AGBL4: variants seen among roughly 807,000 people sequenced by gnomAD.
The protein encoded by AGBL4 is AGBL carboxypeptidase 4.
Under a neutral mutation model 66.4 loss-of-function variants are expected in AGBL4, and 58 were observed. That is an observed-to-expected ratio of 0.87 (90% CI 0.71 to 1.09). The LOEUF (loss-of-function observed/expected upper bound fraction) is 1.09. Among genes scored for constraint, AGBL4 ranks in the 50% least tolerant of loss-of-function variants. AGBL4 has a pLI of 0.00. For synonymous variants in AGBL4, 234 were observed against 222.9 expected (o/e 1.05, Z -0.44); for missense variants, 579 against 631.0 (o/e 0.92, Z 0.88).
At chr1:49,720,788 A>G (rs1648540840) in intron 2 of AGBL4, among the ~76,000 whole-genome samples, 1 of 152,180 alleles carries the variant, frequency 6.6e-6, no homozygotes, top group African/African-American at 2.4e-5. Flanking sequence ...TAGTCAAGAT[A>G]TGTAAAAAGT....
At chr1:49,739,068 G>A (rs921910008) in intron 2 of AGBL4, among the ~76,000 whole-genome samples, 7 of 152,332 alleles carry the variant, frequency 4.6e-5, no homozygotes, top group Middle Eastern at 3.4e-3. Flanking sequence ...TGACTTTGAC[G>A]AGTTGAGAGA....
chr1:49,591,171 C>T (rs757418483), intron 3 of AGBL4, among the ~76,000 whole-genome samples: 1 of 151,090 alleles, frequency 6.6e-6, no homozygotes, highest in African/African-American at 2.4e-5. Context: ...TGGGAGGCAA[C>T]CAAAAAAACA....
intron 2 of AGBL4, among the ~76,000 whole-genome samples, chr1:49,700,328 T>C (rs1404972557): frequency 2.0e-5 from 3 of 151,006 alleles, no homozygotes; most frequent in South Asian, 4.2e-4. Flanking sequence ...GATAGATAGA[T>C]AGATAGATAG....
intron 3 of AGBL4, among the ~76,000 whole-genome samples, chr1:49,686,294 A>G (rs1299037438): frequency 6.6e-6 from 1 of 152,152 alleles, no homozygotes; most frequent in East Asian, 1.9e-4. Flanking sequence ...CTCCATGGGA[A>G]TGTTGTTGCC....
chr1:49,750,633 A>G (rs772340783), intron 2 of AGBL4, among the ~76,000 whole-genome samples: 14 of 152,120 alleles, frequency 9.2e-5, no homozygotes, highest in Admixed American at 2.6e-4. Context: ...AAGAAAGTCA[A>G]TGGTAACTTG....
At chr1:48,866,410 T>C (rs1648092501) in intron 6 of AGBL4, among the ~76,000 whole-genome samples, 1 of 152,194 alleles carries the variant, frequency 6.6e-6, no homozygotes, top group South Asian at 2.1e-4. Flanking sequence ...GTAACCAAAG[T>C]GTTAATGCCT....
chr1:49,939,945 C>G (rs1214742310), intron 1 of AGBL4, among the ~76,000 whole-genome samples: 6 of 152,114 alleles, frequency 3.9e-5, no homozygotes, highest in Non-Finnish European at 8.8e-5. Context: ...TTTTCGTAAC[C>G]TACTCATCTG....
chr1:49,442,910 G>C (rs1221601516), intron 3 of AGBL4, among the ~76,000 whole-genome samples: 1 of 152,066 alleles, frequency 6.6e-6, no homozygotes, highest in East Asian at 1.9e-4. Context: ...GTGTATAAAA[G>C]TTCCCTTTTC....
intron 1 of AGBL4, among the ~76,000 whole-genome samples, chr1:49,957,165 A>C (rs1656676602): frequency 6.6e-6 from 1 of 152,016 alleles, no homozygotes; most frequent in Admixed American, 6.6e-5. Context: ...TAATTAAATA[A>C]GAGTGTAATT....
intron 3 of AGBL4, among the ~76,000 whole-genome samples, chr1:49,276,232 T>C (rs1260289370): frequency 6.6e-6 from 1 of 152,142 alleles, no homozygotes; most frequent in African/African-American, 2.4e-5. Flanking sequence ...AAGAGACTGA[T>C]TTAAAAAGCC....
chr1:48,634,320 T>C (rs1363318541), intron 9 of AGBL4, 173 bp downstream of exon 9: 4 of 493,270 alleles, frequency 8.1e-6, no homozygotes, highest in Middle Eastern at 5.5e-4. Flanking sequence ...GGAAAAGAGA[T>C]TGGGAGAAGG....
intron 5 of AGBL4, among the ~76,000 whole-genome samples, chr1:48,916,032 T>TA (rs1433930292): frequency 2.6e-5 from 4 of 152,168 alleles, no homozygotes; most frequent in Admixed American, 6.5e-5. Flanking sequence ...GAAGATCAGT[T>TA]TGTTAATCAG....
At chr1:49,689,132 C>A (rs1421951651) in intron 3 of AGBL4, among the ~76,000 whole-genome samples, 1 of 152,070 alleles carries the variant, frequency 6.6e-6, no homozygotes, top group East Asian at 1.9e-4. Context: ...GAGTATTACT[C>A]AAAAAATCTT....
At chr1:49,411,443 C>T (rs1278411668) in intron 3 of AGBL4, among the ~76,000 whole-genome samples, 3 of 152,202 alleles carry the variant, frequency 2.0e-5, no homozygotes, top group African/African-American at 7.2e-5. Flanking sequence ...GCAACACCCT[C>T]ATAGACACAC....
At chr1:49,946,122 T>C (rs1655181441) in intron 1 of AGBL4, among the ~76,000 whole-genome samples, 1 of 151,672 alleles carries the variant, frequency 6.6e-6, no homozygotes. Context: ...GGAACTTCAA[T>C]ACTCCACTGA....
chr1:48,638,847 C>T (rs1344077886), intron 8 of AGBL4, among the ~76,000 whole-genome samples: 1 of 152,156 alleles, frequency 6.6e-6, no homozygotes, highest in African/African-American at 2.4e-5. Context: ...TAAGCATTTT[C>T]CTGTCTCATA....
At chr1:48,668,763 T>C (rs1872278) in intron 6 of AGBL4, among the ~76,000 whole-genome samples, 2,218 of 152,272 alleles carry the variant, frequency 0.015, 63 homozygotes, top group African/African-American at 0.05. Flanking sequence ...TGTGAGGATA[T>C]CACTGTGTTG....
intron 1 of AGBL4, among the ~76,000 whole-genome samples, chr1:49,875,530 C>A (rs940429193): frequency 4.8e-5 from 7 of 146,884 alleles, no homozygotes; most frequent in African/African-American, 1.8e-4. Flanking sequence ...TGTATATGTG[C>A]CACATTTTCT....
chr1:49,018,098 G>T (rs1461530541), intron 5 of AGBL4, among the ~76,000 whole-genome samples: 1 of 152,178 alleles, frequency 6.6e-6, no homozygotes, highest in Non-Finnish European at 1.5e-5. Flanking sequence ...GTAGGAAGAG[G>T]CACAAGTTAT....
Sources: gnomAD v4.1 joint callset for allele counts (sites outside exome capture counted in the v4.1 genomes callset) on GRCh38, gnomAD v4.1.1 for gene constraint, MANE v1.5 for transcripts, NCBI Gene and HGNC (gene_info 2026-07-23, HGNC 2026-07-21) for gene names.